SMIM8: variants seen among roughly 807,000 people sequenced by gnomAD.
The protein encoded by SMIM8 is small integral membrane protein 8.
A neutral mutation model predicts 8.1 loss-of-function variants in SMIM8; 8 were observed. That is an observed-to-expected ratio of 0.99 (90% confidence interval 0.58 to 1.78). The LOEUF (loss-of-function observed/expected upper bound fraction) is 1.78. SMIM8 is among the 40% of genes most tolerant of loss of function. The probability of loss-of-function intolerance (pLI) is 0.00; values close to 1 mark genes in which losing one functional copy is unlikely to be tolerated. For missense variants in SMIM8, 126 were observed against 119.8 expected (o/e 1.05, Z -0.24); for synonymous variants, 45 against 39.7 (o/e 1.13, Z -0.50).
At position 87,337,557 on chromosome 6, in the gene SMIM8, C is replaced by T. The variant is rs117976093; in HGVS notation, c.135+391C>T. On this transcript the variant is annotated intron_variant, in intron 3 of 3. Transcript: ENST00000392863. ...AAATCTGACCATTCTTAACATACTG[C>T]AATTCTACCCTGTAGGTAATATTTT... 4.5e-4 allele frequency among the ~76,000 whole-genome samples: 69 copies of T among 152,318 alleles called. No homozygotes were observed. In the East Asian group the frequency reaches 0.012, roughly 26 times the overall value.
chr6:87,339,806 G>T (rs1382575729), intron 3 of SMIM8, among the ~76,000 whole-genome samples: 10 of 152,116 alleles, frequency 6.6e-5, no homozygotes, highest in African/African-American at 1.9e-4. Context: ...AACTCCGGGT[G>T]CTGACCAGTT....
intron 3 of SMIM8, among the ~76,000 whole-genome samples, chr6:87,339,429 TGTGTGTTTGTGTG>T (rs1777176015): frequency 1.1e-5 from 1 of 89,606 alleles, no homozygotes; most frequent in Non-Finnish European, 2.3e-5. Flanking sequence ...TGTGTGTGTG[TGTGTGTTTGTGTG>T]TGTGTGTGTG....
chr6:87,335,846 A>G (rs1197128810), intron 2 of SMIM8, among the ~76,000 whole-genome samples: 1 of 41,782 alleles, frequency 2.4e-5, no homozygotes, highest in Non-Finnish European at 4.4e-5. Flanking sequence ...CGTCCCTACC[A>G]AAAAAAAAAA....
At chr6:87,334,434 CTTGTTTGT>C (rs75607753) in intron 2 of SMIM8, among the ~76,000 whole-genome samples, 53 of 151,632 alleles carry the variant, frequency 3.5e-4, no homozygotes, top group Middle Eastern at 3.4e-3. Flanking sequence ...GCTTCAGTGG[CTTGTTTGT>C]TTGTTTGTTT....
chr6:87,323,875 G>C (rs1481469497), intron 1 of SMIM8, among the ~76,000 whole-genome samples: 16 of 152,178 alleles, frequency 1.1e-4, no homozygotes, highest in South Asian at 2.1e-4. Context: ...GGTTGTACTG[G>C]TTTACAGGCC....
chr6:87,324,701 T>A (rs1204604404), intron 1 of SMIM8, among the ~76,000 whole-genome samples: 2 of 151,774 alleles, frequency 1.3e-5, no homozygotes, highest in African/African-American at 4.8e-5. Context: ...AGTCAGGTAG[T>A]GTGATACCTC....
intron 1 of SMIM8, 77 bp downstream of exon 1, chr6:87,322,709 C>G (rs1776698306): frequency 6.6e-6 from 1 of 152,214 alleles, no homozygotes; most frequent in Admixed American, 6.5e-5. Context: ...CATCACGCTC[C>G]CGTCTCTGCC....
Position 87,340,419 on chromosome 6 carries a change from T to A in SMIM8, c.*145T>A. ...AGCAGTTGCAACCAGACAACTGTCG[T>A]AAATTTTGTCCTTTCACAGCTGCAG... On this transcript the variant is annotated 3_prime_UTR_variant, in exon 4 of 4. Transcript: ENST00000392863. The A allele has an allele frequency of 1.3e-6, 1 of 780,620 alleles. No homozygotes were observed. The allele number at this position is 780,620 out of a possible 1,614,324, so 48.4% of individuals were successfully genotyped here.
chr6:87,334,581 G>A (rs1777063752), intron 2 of SMIM8, among the ~76,000 whole-genome samples: 1 of 152,112 alleles, frequency 6.6e-6, no homozygotes, highest in South Asian at 2.1e-4. Context: ...TGGGATTACA[G>A]GTGTGAGCCA....
intron 1 of SMIM8, among the ~76,000 whole-genome samples, chr6:87,329,571 G>A (rs1346114832): frequency 1.3e-5 from 2 of 152,208 alleles, no homozygotes; most frequent in Non-Finnish European, 2.9e-5. Flanking sequence ...GATTGCAGGC[G>A]TGAGCCACCC....
At chr6:87,330,638 G>A (rs9344704) in intron 1 of SMIM8, 54 bp from the exon 2 acceptor site, 17,408 of 152,018 alleles carry the variant, frequency 0.11, 1,035 homozygotes, top group East Asian at 0.13. Context: ...TTGGGTAAAC[G>A]GGCAGTCCTT....
intron 1 of SMIM8, among the ~76,000 whole-genome samples, chr6:87,323,689 G>A (rs1237484176): frequency 6.6e-6 from 1 of 152,098 alleles, no homozygotes; most frequent in Non-Finnish European, 1.5e-5. Context: ...GGACATTTGG[G>A]TTGGTTCCAG....
intron 1 of SMIM8, among the ~76,000 whole-genome samples, chr6:87,329,447 G>T (rs1776937016): frequency 6.6e-6 from 1 of 152,060 alleles, no homozygotes; most frequent in African/African-American, 2.4e-5. Flanking sequence ...GCTAATTTTT[G>T]TATTTTTAGT....
At chr6:87,326,017 T>C (rs1776811751) in intron 1 of SMIM8, among the ~76,000 whole-genome samples, 1 of 152,232 alleles carries the variant, frequency 6.6e-6, no homozygotes. Flanking sequence ...GTCGAGGAAC[T>C]TATCCATTTC....
At chr6:87,322,915 CG>C (rs1394861368) in intron 1 of SMIM8, 1 of 152,344 alleles carries the variant, frequency 6.6e-6, no homozygotes, top group Non-Finnish European at 1.5e-5. Context: ...ACCCCCACCC[CG>C]AGAACTCTCT....
chr6:87,336,943 C>A, intron 2 of SMIM8, 66 bp from the exon 3 acceptor site: 1 of 1,319,554 alleles, frequency 7.6e-7, no homozygotes. Context: ...TTAAGAATTA[C>A]TTTTTAAAGA....
chr6:87,340,355 T>A lies in SMIM8; in HGVS notation c.*81T>A. The A allele has an allele frequency of 7.6e-7, 1 of 1,320,628 alleles. No homozygotes were observed. 81.8% of individuals were successfully genotyped at this position (1,320,628 alleles called of 1,614,324 possible). ...AAGACCTTGTGAGTGTACAGTATCATGTTTCTTGTTCTAGAACATGCTAAT... is the reference window on the plus strand; with the variant it reads ...AAGACCTTGTGAGTGTACAGTATCAAGTTTCTTGTTCTAGAACATGCTAAT... On this transcript the variant is annotated 3_prime_UTR_variant, in exon 4 of 4. Coordinates refer to ENST00000392863, the MANE Select transcript of SMIM8 (RefSeq NM_001042493.3).
rs369404299 is a variant in SMIM8, at chr6:87,340,325, A to C, written c.*51A>C. 6.8e-7 allele frequency: 1 copy of C among 1,476,748 alleles called. No homozygotes were observed. Among genetic ancestry groups the C allele is most frequent in the Non-Finnish European group, 9.0e-7 (1 of 1,114,894 alleles). The allele number at this position is 1,476,748 out of a possible 1,614,324, so 91.5% of individuals were successfully genotyped here. On this transcript the variant is annotated 3_prime_UTR_variant, in exon 4 of 4. Coordinates refer to ENST00000392863, the MANE Select transcript of SMIM8 (RefSeq NM_001042493.3). ...TTTATTAAAGGTTCTGAAATCTTCA[A>C]ATGAAAGACCTTGTGAGTGTACAGT...
intron 2 of SMIM8, among the ~76,000 whole-genome samples, chr6:87,332,126 T>C (rs562594863): frequency 6.6e-6 from 1 of 152,044 alleles, no homozygotes; most frequent in Non-Finnish European, 1.5e-5. Context: ...TCAAGCAATC[T>C]TACAAATAAA....
Sources: allele counts gnomAD v4.1 joint callset (sites outside exome capture counted in the v4.1 genomes callset), GRCh38; gene constraint gnomAD v4.1.1; transcripts MANE v1.5; gene names NCBI Gene and HGNC (gene_info 2026-07-23, HGNC 2026-07-21).